EIF5A2: variants seen among roughly 807,000 people sequenced by gnomAD.
The protein encoded by EIF5A2 is eukaryotic translation initiation factor 5A-2.
EIF5A2 carries 15 observed loss-of-function variants against 16.4 expected under a neutral mutation model. The ratio of observed to expected loss-of-function variants is 0.92; its 90% CI spans 0.61 to 1.41. The LOEUF (loss-of-function observed/expected upper bound fraction) is 1.41, where lower values mean the gene tolerates loss of function less well. Among genes scored for constraint, EIF5A2 ranks in the 40% most tolerant of loss-of-function variants. The pLI, the probability that EIF5A2 is intolerant of heterozygous loss-of-function variation, is 0.00. For missense variants in EIF5A2, 144 were observed against 189.5 expected (o/e 0.76, Z 1.41); for synonymous variants, 48 against 61.1 (o/e 0.79, Z 1.00).
rs1712537445 is a variant in EIF5A2, at chr3:170,891,594, A to G, written c.*1766T>C. ...TCCAGTCACTGATTAGATCAGTTAC[A>G]TCATCATATATGATATACTTTCCTT... On this transcript the variant is annotated 3_prime_UTR_variant, in exon 5 of 5. Coordinates refer to ENST00000295822, the MANE Select transcript of EIF5A2 (RefSeq NM_020390.6). 6.6e-6 allele frequency: 1 copy of G among 152,638 alleles called. No individual in the cohort carries two copies. The highest frequency in any genetic ancestry group is 2.4e-5 in the African/African-American group (1 of 41,474). The allele number at this position is 152,638 out of a possible 1,614,324, so 9.5% of individuals were successfully genotyped here.
chr3:170,897,504 T>TAA (rs1712702707), intron 3 of EIF5A2, among the ~76,000 whole-genome samples: 3 of 152,166 alleles, frequency 2.0e-5, no homozygotes, highest in African/African-American at 7.2e-5. Flanking sequence ...CAGCTGTGGC[T>TAA]AAAAGGGGTC....
chr3:170,906,938 TA>T, intron 3 of EIF5A2, 50 bp downstream of exon 3: 1 of 1,287,804 alleles, frequency 7.8e-7, no homozygotes, highest in Non-Finnish European at 1.1e-6. Flanking sequence ...TAGTACAAAG[TA>T]TTTGCACCTT....
At chr3:170,903,989 AT>A (rs1480811291) in intron 3 of EIF5A2, among the ~76,000 whole-genome samples, 2 of 152,246 alleles carry the variant, frequency 1.3e-5, no homozygotes, top group African/African-American at 4.8e-5. Context: ...CAGAAACGGC[AT>A]TTAACTTGTG....
Position 170,888,489 on chromosome 3 carries a change from C to T in EIF5A2, c.*4871G>A, listed in dbSNP as rs553885139. The T allele has an allele frequency of 6.6e-6, 1 of 152,292 alleles. No individual in the cohort carries two copies. The highest frequency in any genetic ancestry group is 6.5e-5 in the Admixed American group (1 of 15,278). The allele number at this position is 152,292 out of a possible 1,614,324, so 9.4% of individuals were successfully genotyped here. On this transcript the variant is annotated 3_prime_UTR_variant, in exon 5 of 5. Transcript: ENST00000295822. The stretch of plus-strand genomic sequence containing the variant: ...AGACAAATATATTTTAATAATATCA[C>T]AAAGTTATAATTGTTAAGGTATTAT...
intron 3 of EIF5A2, among the ~76,000 whole-genome samples, chr3:170,896,709 C>T (rs915915965): frequency 6.6e-6 from 1 of 152,032 alleles, no homozygotes; most frequent in African/African-American, 2.4e-5. Flanking sequence ...TGAAAAAGGA[C>T]TAATACAGAA....
At chr3:170,908,343 G>A (rs953441207) in intron 1 of EIF5A2, among the ~76,000 whole-genome samples, 200 bp downstream of exon 1, 1 of 152,172 alleles carries the variant, frequency 6.6e-6, no homozygotes, top group Non-Finnish European at 1.5e-5. Context: ...CTGTTCTGCC[G>A]GCATCCAGGG....
At position 170,907,790 on chromosome 3, in the gene EIF5A2, T is replaced by C; in HGVS notation, c.17A>G (p.Asp6Gly). ...AGCCCCGGCATCTCCAGTAGTGAAA[T>C]CAATTTCGTCTGCCATGGTGGGCAG... MADEI[D>G]FTTGDAGASS... is the part of the protein sequence containing the mutation. Residue 6 changes from aspartate to glycine, a missense_variant, in exon 2 of 5, where the codon GAT becomes GGT. Coordinates refer to ENST00000295822, the MANE Select transcript of EIF5A2 (RefSeq NM_020390.6). The C allele has an allele frequency of 1.9e-6, 3 of 1,550,286 alleles. No homozygotes were observed. The highest frequency in any genetic ancestry group is 2.3e-5 in the East Asian group (1 of 43,394).
chr3:170,899,413 TA>T (rs1560010080), intron 3 of EIF5A2, among the ~76,000 whole-genome samples: 2 of 152,040 alleles, frequency 1.3e-5, no homozygotes, highest in African/African-American at 4.8e-5. Flanking sequence ...TTTTATTTTT[TA>T]TTTTTTTAAT....
chr3:170,895,434 C>A (rs1003787529), intron 3 of EIF5A2, among the ~76,000 whole-genome samples: 1 of 152,126 alleles, frequency 6.6e-6, no homozygotes, highest in African/African-American at 2.4e-5. Flanking sequence ...CAACCAACCT[C>A]CACTCATTTA....
chr3:170,901,088 A>G (rs976342044), intron 3 of EIF5A2, among the ~76,000 whole-genome samples: 4 of 152,246 alleles, frequency 2.6e-5, no homozygotes, highest in African/African-American at 9.6e-5. Flanking sequence ...AAGTTTCAGG[A>G]AACACAAGGG....
In EIF5A2 at chr3:170,907,657, C is replaced by T. The variant is rs757341470; in HGVS notation, c.150G>A (p.Lys50=). The T allele has an allele frequency of 6.2e-6, 10 of 1,602,442 alleles. No homozygotes were observed. Among genetic ancestry groups the T allele is most frequent in the African/African-American group, 1.3e-5 (1 of 74,896 alleles). Residue 50 remains lysine, a synonymous_variant, in exon 2 of 5, where the codon AAG becomes AAA. Coordinates refer to ENST00000295822, the MANE Select transcript of EIF5A2 (RefSeq NM_020390.6). Reference sequence around the variant, plus strand: ...GGGTACTTACCTTGGCATGACCATGCTTTCCAGTTTTGGAAGTTGACATCT... The same window carrying T: ...GGGTACTTACCTTGGCATGACCATGTTTTCCAGTTTTGGAAGTTGACATCT... ...IVEMSTSKTG[K]HGHAKVHLVG...
chr3:170,908,371 C>T (rs1712998262), intron 1 of EIF5A2, among the ~76,000 whole-genome samples, 172 bp downstream of exon 1: 1 of 152,310 alleles, frequency 6.6e-6, no homozygotes, highest in East Asian at 1.9e-4. Flanking sequence ...CGGCCCGGCC[C>T]GGCCCCACTA....
chr3:170,907,913 T>C, intron 1 of EIF5A2, 72 bp from the exon 2 acceptor site: 1 of 1,226,568 alleles, frequency 8.2e-7, no homozygotes, highest in Non-Finnish European at 1.1e-6. Context: ...TTCGGACAAG[T>C]TATGTGCCAA....
rs1238501642 is a variant in EIF5A2, at chr3:170,891,974, A to AAAT, written c.*1383_*1385dup. The AAAT allele has an allele frequency of 6.6e-6, 1 of 152,636 alleles. No homozygotes were observed. Among genetic ancestry groups the AAAT allele is most frequent in the Non-Finnish European group, 1.5e-5 (1 of 68,038 alleles). The allele number at this position is 152,636 out of a possible 1,614,324, so 9.5% of individuals were successfully genotyped here. A position where few individuals can be genotyped will look rare whatever the true frequency, so the allele number is the denominator to read the frequency against. On this transcript the variant is annotated 3_prime_UTR_variant, in exon 5 of 5. Transcript: ENST00000295822. ...GCATATACTTAAAATAACTTAACTT[A>AAAT]AATAATAATATTCATATAAAGTAAT...
At chr3:170,901,554 G>C (rs1712814382) in intron 3 of EIF5A2, among the ~76,000 whole-genome samples, 1 of 150,062 alleles carries the variant, frequency 6.7e-6, no homozygotes, top group South Asian at 2.1e-4. Context: ...TATCCCTACA[G>C]GTGCCTTCTT....
intron 3 of EIF5A2, among the ~76,000 whole-genome samples, chr3:170,897,806 C>T: frequency 6.6e-6 from 1 of 152,180 alleles, no homozygotes; most frequent in Non-Finnish European, 1.5e-5. Flanking sequence ...GAAGGGGGGT[C>T]ACCATCTTCT....
At position 170,889,634 on chromosome 3, in the gene EIF5A2, G is replaced by A. The variant is rs1038019347; in HGVS notation, c.*3726C>T. On this transcript the variant is annotated 3_prime_UTR_variant, in exon 5 of 5. Coordinates refer to ENST00000295822, the MANE Select transcript of EIF5A2 (RefSeq NM_020390.6). ...ATATTTTCACTCTTACACTGCTTAA[G>A]AGCCATATTTTCTCATAGTAAATGC... The A allele has an allele frequency of 2.0e-5, 3 of 152,492 alleles. No homozygotes were observed. Among genetic ancestry groups the A allele is most frequent in the African/African-American group, 4.8e-5 (2 of 41,420 alleles). The allele number at this position is 152,492 out of a possible 1,614,324, so 9.4% of individuals were successfully genotyped here. A position where few individuals can be genotyped will look rare whatever the true frequency, so the allele number is the denominator to read the frequency against.
chr3:170,898,702 A>G (rs919745499), intron 3 of EIF5A2, among the ~76,000 whole-genome samples: 1 of 152,116 alleles, frequency 6.6e-6, no homozygotes, highest in Non-Finnish European at 1.5e-5. Flanking sequence ...TTTTAAATTG[A>G]ATTATTTATT....
intron 3 of EIF5A2, among the ~76,000 whole-genome samples, chr3:170,905,628 C>CT (rs2108296692): frequency 6.6e-6 from 1 of 152,220 alleles, no homozygotes; most frequent in South Asian, 2.1e-4. Flanking sequence ...TTTCGAGCAC[C>CT]TACTATGTAC....
Sources: allele counts gnomAD v4.1 joint callset (sites outside exome capture counted in the v4.1 genomes callset), GRCh38; gene constraint gnomAD v4.1.1; transcripts MANE v1.5; gene names NCBI Gene and HGNC (gene_info 2026-07-23, HGNC 2026-07-21).